Variants in WWOX observed in about 807,000 individuals in gnomAD.
WWOX encodes WW domain-containing oxidoreductase.
A neutral mutation model predicts 46.2 loss-of-function variants in WWOX; 69 were observed. That is an observed-to-expected ratio of 1.49 (90% CI 1.23 to 1.82). The LOEUF (loss-of-function observed/expected upper bound fraction) is 1.82, where lower values mean the gene tolerates loss of function less well. Ranked by LOEUF, WWOX falls within the 40% of genes most tolerant of loss-of-function variation. WWOX has a pLI of 0.00. For missense variants in WWOX, 919 were observed against 542.6 expected (o/e 1.69, Z -6.89); for synonymous variants, 359 against 202.6 (o/e 1.77, Z -6.56).
chr16:78,634,005 C>G lies in WWOX; in HGVS notation c.1056+201253C>G, dbSNP rs555932839. Among the ~76,000 whole-genome samples, 19 of 151,886 alleles carry G rather than the reference C, an allele frequency of 1.3e-4. No homozygotes were observed. In the East Asian group the frequency reaches 3.7e-3, roughly 30 times the overall value. On this transcript the variant is annotated intron_variant, in intron 8 of 8. Transcript: ENST00000566780. ...TGAGCCCCTAGAGAGACCAAAGAGG[C>G]AACCCTCGAGCCAACTGACAGCCAG...
chr16:78,238,808 G>C (rs527303064), intron 5 of WWOX, among the ~76,000 whole-genome samples: 1 of 152,028 alleles, frequency 6.6e-6, no homozygotes, highest in East Asian at 1.9e-4. Context: ...TAGTAGAGAT[G>C]GGGCTTCTCC....
At chr16:78,722,951 A>T (rs1287267038) in intron 8 of WWOX, among the ~76,000 whole-genome samples, 2 of 152,114 alleles carry the variant, frequency 1.3e-5, no homozygotes, top group African/African-American at 4.8e-5. Flanking sequence ...CTGAGGCAGG[A>T]AGATTGCTTG....
intron 8 of WWOX, chr16:79,206,230 TGGCTGAGAAGGC>T (rs2051505038): frequency 1.3e-5 from 2 of 152,388 alleles, no homozygotes; most frequent in South Asian, 4.1e-4. Flanking sequence ...AGACATGGCC[TGGCTGAGAAGGC>T]GGCAGAGCAG....
chr16:78,965,317 C>T (rs2046344388), intron 8 of WWOX, among the ~76,000 whole-genome samples: 1 of 152,090 alleles, frequency 6.6e-6, no homozygotes, highest in Non-Finnish European at 1.5e-5. Flanking sequence ...GCCTATAATC[C>T]TAGCACGTTG....
chr16:78,894,434 C>T (rs188943946), intron 8 of WWOX, among the ~76,000 whole-genome samples: 2 of 152,226 alleles, frequency 1.3e-5, no homozygotes, highest in Middle Eastern at 3.4e-3. Flanking sequence ...TCATAAAGTC[C>T]TAGACTATTT....
At chr16:78,588,753 G>C (rs750428564) in intron 8 of WWOX, among the ~76,000 whole-genome samples, 11 of 152,188 alleles carry the variant, frequency 7.2e-5, no homozygotes, top group Non-Finnish European at 1.3e-4. Flanking sequence ...TTATTGAGCA[G>C]CTACTATGTA....
At chr16:78,953,371 A>AT (rs1227614116) in intron 8 of WWOX, among the ~76,000 whole-genome samples, 2 of 152,214 alleles carry the variant, frequency 1.3e-5, no homozygotes, top group Non-Finnish European at 2.9e-5. Context: ...CACTAATTGT[A>AT]TGCAAATGGA....
chr16:78,792,174 G>T (rs545916042), intron 8 of WWOX, among the ~76,000 whole-genome samples: 2 of 152,146 alleles, frequency 1.3e-5, no homozygotes, highest in South Asian at 2.1e-4. Context: ...ATAAACATTC[G>T]ATTCTCGCCA....
chr16:78,844,062 C>G (rs1432698203), intron 8 of WWOX, among the ~76,000 whole-genome samples: 1 of 152,146 alleles, frequency 6.6e-6, no homozygotes, highest in Non-Finnish European at 1.5e-5. Context: ...TATAAATAAG[C>G]TGGTGCGTTA....
chr16:78,762,882 G>C (rs765702930), intron 8 of WWOX, among the ~76,000 whole-genome samples: 1 of 152,194 alleles, frequency 6.6e-6, no homozygotes, highest in Non-Finnish European at 1.5e-5. Flanking sequence ...AGGACTCATG[G>C]TAGTTAACAC....
At chr16:78,638,493 C>T (rs1234056619) in intron 8 of WWOX, among the ~76,000 whole-genome samples, 1 of 152,124 alleles carries the variant, frequency 6.6e-6, no homozygotes, top group African/African-American at 2.4e-5. Context: ...GCCTTGGGCT[C>T]TGATAAGATC....
intron 8 of WWOX, among the ~76,000 whole-genome samples, chr16:78,970,826 C>T (rs1567448363): frequency 6.6e-6 from 1 of 152,050 alleles, no homozygotes; most frequent in Non-Finnish European, 1.5e-5. Context: ...GGTTCATGTA[C>T]CAGGAAGTCT....
chr16:78,563,007 C>T (rs1193899302), intron 8 of WWOX, among the ~76,000 whole-genome samples: 1 of 151,896 alleles, frequency 6.6e-6, no homozygotes, highest in Admixed American at 6.6e-5. Context: ...TTAATCCCTC[C>T]CCCTATCTTT....
chr16:78,694,677 C>G (rs1164764158), intron 8 of WWOX, among the ~76,000 whole-genome samples: 3 of 152,156 alleles, frequency 2.0e-5, no homozygotes, highest in Non-Finnish European at 4.4e-5. Context: ...GCCTTCTAGA[C>G]CATGAAAAGA....
intron 8 of WWOX, among the ~76,000 whole-genome samples, chr16:78,509,597 C>T (rs2085306956): frequency 1.3e-5 from 2 of 152,266 alleles, no homozygotes; most frequent in South Asian, 2.1e-4. Flanking sequence ...TGCAATGCTT[C>T]CCAGCCCTGC....
chr16:78,520,044 A>G (rs977980108), intron 8 of WWOX, among the ~76,000 whole-genome samples: 5 of 152,198 alleles, frequency 3.3e-5, no homozygotes, highest in African/African-American at 1.2e-4. Flanking sequence ...GTCATTTCCC[A>G]GATGGAACTT....
At chr16:78,510,104 TCG>T (rs2085325007) in intron 8 of WWOX, among the ~76,000 whole-genome samples, 3 of 151,826 alleles carry the variant, frequency 2.0e-5, no homozygotes, top group Non-Finnish European at 4.4e-5. Flanking sequence ...TCTGTCTCTC[TCG>T]GAAATATTCC....
intron 8 of WWOX, among the ~76,000 whole-genome samples, chr16:78,838,488 A>G (rs1431113415): frequency 6.6e-6 from 1 of 152,210 alleles, no homozygotes; most frequent in African/African-American, 2.4e-5. Context: ...CCAATCCCAA[A>G]AGATTACATT....
chr16:78,621,488 T>C lies in WWOX; in HGVS notation c.1056+188736T>C, dbSNP rs2046180280. On this transcript the variant is annotated intron_variant, in intron 8 of 8. Coordinates refer to ENST00000566780, the MANE Select transcript of WWOX (RefSeq NM_016373.4). ...AGTTGCATCTCTCCCTCTACTTAGA[T>C]ACACATTTCCATTTTACTTCTATTT... is the stretch of plus-strand genomic sequence containing the variant. 2.0e-5 allele frequency among the ~76,000 whole-genome samples: 3 copies of C among 151,702 alleles called. No homozygotes were observed. In the South Asian group the frequency reaches 6.3e-4, roughly 32 times the overall value.
Sources: gnomAD v4.1 joint callset for allele counts (sites outside exome capture counted in the v4.1 genomes callset) on GRCh38, gnomAD v4.1.1 for gene constraint, MANE v1.5 for transcripts, NCBI Gene and HGNC (gene_info 2026-07-23, HGNC 2026-07-21) for gene names.